The following SHC4 variants were observed in gnomAD, a reference collection of about 807,000 sequenced individuals.
SHC4 encodes the protein SHC adaptor protein 4.
SHC4 carries 41 observed loss-of-function variants against 69.4 expected under a neutral mutation model. The observed-to-expected ratio is 0.59, with a 90% confidence interval of 0.46 to 0.77. The LOEUF (loss-of-function observed/expected upper bound fraction) is 0.77, where lower values mean the gene tolerates loss of function less well. SHC4 is among the 30% of genes least tolerant of loss of function. The probability of loss-of-function intolerance (pLI) is 0.00; values close to 1 mark genes in which losing one functional copy is unlikely to be tolerated. For missense variants in SHC4, 777 were observed against 783.8 expected (o/e 0.99, Z 0.10); for synonymous variants, 318 against 299.3 (o/e 1.06, Z -0.64).
intron 3 of SHC4, 30 bp from the exon 4 acceptor site, chr15:48,884,397 A>G (rs779910541): frequency 6.5e-7 from 1 of 1,548,784 alleles, no homozygotes; most frequent in South Asian, 1.2e-5. Flanking sequence ...AAAACAAAAC[A>G]CTGTTAGGAA....
chr15:48,902,220 G>T (rs533636178), intron 2 of SHC4, among the ~76,000 whole-genome samples: 9 of 146,160 alleles, frequency 6.2e-5, no homozygotes, highest in African/African-American at 2.0e-4. Context: ...AAAAAAAAAA[G>T]AACTGGGTCT....
intron 9 of SHC4, among the ~76,000 whole-genome samples, chr15:48,846,987 TG>T (rs1380771344): frequency 6.8e-6 from 1 of 146,628 alleles, no homozygotes; most frequent in Non-Finnish European, 1.5e-5. Flanking sequence ...AATAGAGTAC[TG>T]AAAAAAAAAA....
intron 1 of SHC4, among the ~76,000 whole-genome samples, chr15:48,926,970 C>T (rs1900864807): frequency 1.3e-5 from 2 of 152,132 alleles, no homozygotes; most frequent in African/African-American, 4.8e-5. Flanking sequence ...CCCCATCACA[C>T]TAGTAAGAAA....
chr15:48,849,481 C>T (rs1474363572), intron 9 of SHC4, among the ~76,000 whole-genome samples: 1 of 152,226 alleles, frequency 6.6e-6, no homozygotes, highest in African/African-American at 2.4e-5. Context: ...CTGCAAACTA[C>T]AAGAGTGCCA....
Position 48,872,157 on chromosome 15 carries a change from C to T in SHC4, c.841-15G>A, listed in dbSNP as rs775662424. 6.3e-6 allele frequency: 9 copies of T among 1,422,332 alleles called. No homozygotes were observed. The highest frequency in any genetic ancestry group is 2.4e-5 in the South Asian group (2 of 82,364). 88.1% of individuals were successfully genotyped at this position (1,422,332 alleles called of 1,614,324 possible). On this transcript the variant is annotated splice_polypyrimidine_tract_variant and intron_variant, in intron 4 of 11. Coordinates refer to ENST00000332408, the MANE Select transcript of SHC4 (RefSeq NM_203349.4). ...TTTGCAATAATCTGAAAAACATAAA[C>T]ATGTATACTAATATAAATTAATTGT...
rs1361718501 is a variant in SHC4 at position 48,826,081 on chromosome 15, T to C, written c.1783A>G (p.Arg595Gly). 2.5e-6 allele frequency: 4 copies of C among 1,613,794 alleles called. No individual in the cohort carries two copies. The highest frequency in any genetic ancestry group is 2.7e-5 in the African/African-American group (2 of 74,910). ...GGCAAACTGTTATCCATATGGTATC[T>C]GATAAGGTGGCCGACATTATCAAAT... ...HVFDNVGHLI[R>G]YHMDNSLPII... The change falls in exon 12 of 12, where the codon AGA (arginine) becomes GGA (glycine). Residue 595 changes from arginine (R) to glycine (G), a missense_variant. Physicochemically the swap from Arg to Gly is moderately radical, Grantham distance 125. Coordinates refer to ENST00000332408, the MANE Select transcript of SHC4 (RefSeq NM_203349.4).
Position 48,963,587 on chromosome 15 carries a change from C to T in SHC4, c.-572G>A, listed in dbSNP as rs1295418820. The T allele has an allele frequency of 6.6e-6, 1 of 152,576 alleles. No homozygotes were observed. The highest frequency in any genetic ancestry group is 1.5e-5 in the Non-Finnish European group (1 of 68,354). 9.5% of individuals were successfully genotyped at this position (152,576 alleles called of 1,614,324 possible). A position where few individuals can be genotyped will look rare whatever the true frequency, so the allele number is the denominator to read the frequency against. On this transcript the variant is annotated 5_prime_UTR_variant, in exon 1 of 12. Transcript: ENST00000332408. The stretch of plus-strand genomic sequence containing the variant: ...ATCTATGAACCAAAGGCCCTTTTGC[C>T]TGGGTTCGTTGATTCCAAAGGCTGC...
intron 4 of SHC4, among the ~76,000 whole-genome samples, chr15:48,882,544 GCTGAGAATAAACT>G (rs1422677675): frequency 1.3e-5 from 2 of 152,098 alleles, no homozygotes; most frequent in African/African-American, 4.8e-5. Flanking sequence ...GGAAAGAGAG[GCTGAGAATAAACT>G]CTGCCCCACC....
At chr15:48,884,442 T>A in intron 3 of SHC4, 75 bp from the exon 4 acceptor site, 2 of 1,317,152 alleles carry the variant, frequency 1.5e-6, no homozygotes, top group South Asian at 1.7e-5. Flanking sequence ...GTTTTTTAAA[T>A]GTTAAAAATG....
chr15:48,929,380 G>T (rs1007194072), intron 1 of SHC4, among the ~76,000 whole-genome samples: 1 of 152,150 alleles, frequency 6.6e-6, no homozygotes, highest in African/African-American at 2.4e-5. Flanking sequence ...ATTCAGATAG[G>T]ACAACCATGA....
At chr15:48,829,166 T>C (rs554230470) in intron 11 of SHC4, among the ~76,000 whole-genome samples, 1 of 152,316 alleles carries the variant, frequency 6.6e-6, no homozygotes, top group Non-Finnish European at 1.5e-5. Context: ...CATAATCTAT[T>C]CTGGAGAATG....
chr15:48,883,082 C>G (rs1443230706), intron 4 of SHC4, among the ~76,000 whole-genome samples: 3 of 152,132 alleles, frequency 2.0e-5, no homozygotes, highest in Admixed American at 6.5e-5. Flanking sequence ...ATAAAATAGA[C>G]CTCAAAACCT....
At chr15:48,956,069 G>A (rs73402300) in intron 1 of SHC4, among the ~76,000 whole-genome samples, 15 of 152,268 alleles carry the variant, frequency 9.9e-5, no homozygotes, top group Middle Eastern at 3.4e-3. Flanking sequence ...ACAGGGGAAC[G>A]GGTCAAACCT....
chr15:48,939,116 C>T (rs1901127894), intron 1 of SHC4, among the ~76,000 whole-genome samples: 1 of 152,018 alleles, frequency 6.6e-6, no homozygotes, highest in Non-Finnish European at 1.5e-5. Flanking sequence ...GATGACTATA[C>T]TGCTGTTCCT....
At position 48,842,437 on chromosome 15, in the gene SHC4, A is replaced by T. The variant is rs574182844; in HGVS notation, c.1483+972T>A. Among the ~76,000 whole-genome samples the T allele has an allele frequency of 1.1e-3, 169 of 152,362 alleles. 2 individuals are homozygous for T. The South Asian group carries it at 0.012, about 11-fold the overall frequency. On this transcript the variant is annotated intron_variant, in intron 10 of 11. Coordinates refer to ENST00000332408, the MANE Select transcript of SHC4 (RefSeq NM_203349.4). ...AGTAGAAATCAAAAGTTCGAAGTAA[A>T]TTTAAAGTATTTGAAAGGATTATTC...
intron 2 of SHC4, among the ~76,000 whole-genome samples, chr15:48,916,019 C>T (rs1305849577): frequency 6.6e-6 from 1 of 152,176 alleles, no homozygotes; most frequent in Non-Finnish European, 1.5e-5. Flanking sequence ...TGTTCAACTA[C>T]TCCAAGGCTT....
chr15:48,842,311 T>C (rs1252130979), intron 10 of SHC4, among the ~76,000 whole-genome samples: 2 of 152,244 alleles, frequency 1.3e-5, no homozygotes, highest in Non-Finnish European at 2.9e-5. Flanking sequence ...ATAAAATTAA[T>C]GCTATCCCTA....
intron 1 of SHC4, chr15:48,947,848 C>T (rs1186659655): frequency 6.6e-6 from 1 of 152,006 alleles, no homozygotes; most frequent in Non-Finnish European, 1.5e-5. Flanking sequence ...TGCAAAGGGC[C>T]CTCTAGAAGA....
intron 4 of SHC4, among the ~76,000 whole-genome samples, chr15:48,872,479 TA>T (rs1899699005): frequency 6.6e-6 from 1 of 152,188 alleles, no homozygotes; most frequent in Admixed American, 6.5e-5. Context: ...TCTCTGCCAT[TA>T]AAAACTATGT....
Sources: allele counts gnomAD v4.1 joint callset (sites outside exome capture counted in the v4.1 genomes callset), GRCh38; gene constraint gnomAD v4.1.1; transcripts MANE v1.5; gene names NCBI Gene and HGNC (gene_info 2026-07-23, HGNC 2026-07-21).